Variants in SLC25A21 observed in about 807,000 individuals in gnomAD.
SLC25A21 encodes mitochondrial 2-oxodicarboxylate carrier.
A neutral mutation model predicts 43.8 loss-of-function variants in SLC25A21; 47 were observed. That is an observed-to-expected ratio of 1.07 (90% CI 0.85 to 1.37). The LOEUF (loss-of-function observed/expected upper bound fraction) is 1.37. Ranked by LOEUF, SLC25A21 falls within the 40% of genes most tolerant of loss-of-function variation. The pLI is 0.00. For synonymous variants in SLC25A21, 131 were observed against 121.3 expected (o/e 1.08, Z -0.52); for missense variants, 352 against 350.2 (o/e 1.00, Z -0.04).
At chr14:37,127,619 A>G (rs1772794568) in intron 1 of SLC25A21, among the ~76,000 whole-genome samples, 1 of 152,202 alleles carries the variant, frequency 6.6e-6, no homozygotes, top group Admixed American at 6.5e-5. Flanking sequence ...TCTTACTTGT[A>G]TAAGCATAAA....
At chr14:37,085,434 T>G (rs1023072492) in intron 1 of SLC25A21, among the ~76,000 whole-genome samples, 1 of 152,216 alleles carries the variant, frequency 6.6e-6, no homozygotes, top group African/African-American at 2.4e-5. Context: ...CTATATATAT[T>G]GGTTCAATTT....
At chr14:36,750,599 ACAT>A (rs1159036385) in intron 3 of SLC25A21, among the ~76,000 whole-genome samples, 4 of 152,162 alleles carry the variant, frequency 2.6e-5, no homozygotes, top group Non-Finnish European at 5.9e-5. Context: ...CCTCCTGAAA[ACAT>A]GAATTCTTGG....
Position 36,875,019 on chromosome 14 carries a change from A to T in SLC25A21, c.71-15T>A. The T allele has an allele frequency of 1.3e-6, 2 of 1,490,186 alleles. No homozygotes were observed. Among genetic ancestry groups the T allele is most frequent in the South Asian group, 2.3e-5 (2 of 86,674 alleles). The allele number at this position is 1,490,186 out of a possible 1,614,324, so 92.3% of individuals were successfully genotyped here. On this transcript the variant is annotated splice_polypyrimidine_tract_variant and intron_variant, in intron 1 of 9. Transcript: ENST00000331299. ...TTCTACAAGACCTGAAAGATGATAAAGAAAATCCAATAAACACTTATGTAA... is the reference window on the plus strand; with the variant it reads ...TTCTACAAGACCTGAAAGATGATAATGAAAATCCAATAAACACTTATGTAA...
At chr14:36,722,526 G>A (rs1211763967) in intron 6 of SLC25A21, among the ~76,000 whole-genome samples, 8 of 152,136 alleles carry the variant, frequency 5.3e-5, no homozygotes, top group Non-Finnish European at 1.2e-4. Flanking sequence ...TGATGCATGT[G>A]TCGGGGCATG....
chr14:37,012,343 T>C (rs771300380), intron 1 of SLC25A21, among the ~76,000 whole-genome samples: 8 of 152,198 alleles, frequency 5.3e-5, no homozygotes, highest in African/African-American at 1.2e-4. Context: ...TCTTTTTATA[T>C]GTTATTCACA....
chr14:36,694,853 T>C (rs189010997), intron 7 of SLC25A21, among the ~76,000 whole-genome samples: 1 of 152,332 alleles, frequency 6.6e-6, no homozygotes, highest in East Asian at 1.9e-4. Context: ...TCCCATTCTG[T>C]AGGTTGCCTG....
At chr14:36,958,029 A>G (rs544245218) in intron 1 of SLC25A21, among the ~76,000 whole-genome samples, 1 of 152,268 alleles carries the variant, frequency 6.6e-6, no homozygotes, top group South Asian at 2.1e-4. Context: ...TTAGCAGAAA[A>G]TAAAGGAAGA....
chr14:36,877,324 A>G (rs1890564383), intron 1 of SLC25A21, among the ~76,000 whole-genome samples: 1 of 152,162 alleles, frequency 6.6e-6, no homozygotes, highest in African/African-American at 2.4e-5. Context: ...CATTTATATA[A>G]ATCTGTTTAC....
At chr14:36,816,631 C>G (rs1413800512) in intron 2 of SLC25A21, among the ~76,000 whole-genome samples, 1 of 151,708 alleles carries the variant, frequency 6.6e-6, no homozygotes, top group East Asian at 1.9e-4. Flanking sequence ...GCCTCCCGAG[C>G]TGGGACTACA....
chr14:36,920,548 C>T (rs1891952519), intron 1 of SLC25A21, among the ~76,000 whole-genome samples: 1 of 152,036 alleles, frequency 6.6e-6, no homozygotes, highest in Admixed American at 6.6e-5. Context: ...TAAGCAGAGA[C>T]TTCCCACCAC....
chr14:36,829,670 T>C (rs10147324), intron 2 of SLC25A21, among the ~76,000 whole-genome samples: 12,980 of 151,996 alleles, frequency 0.085, 767 homozygotes, highest in East Asian at 0.31. Flanking sequence ...ACAGTTACAA[T>C]TCTCTAGGAG....
intron 2 of SLC25A21, among the ~76,000 whole-genome samples, chr14:36,873,809 C>T (rs752649424): frequency 7.9e-5 from 12 of 152,108 alleles, no homozygotes; most frequent in Non-Finnish European, 1.8e-4. Context: ...GAAGAGACAA[C>T]AGAGCTTCCT....
At chr14:36,920,161 C>A (rs578031042) in intron 1 of SLC25A21, among the ~76,000 whole-genome samples, 2 of 152,028 alleles carry the variant, frequency 1.3e-5, no homozygotes, top group South Asian at 2.1e-4. Flanking sequence ...TTTTCACTTA[C>A]GGCAGTACAA....
chr14:37,031,925 T>G (rs892030442), intron 1 of SLC25A21, among the ~76,000 whole-genome samples: 1 of 152,188 alleles, frequency 6.6e-6, no homozygotes, highest in African/African-American at 2.4e-5. Context: ...TCTCACATTG[T>G]ACGTAGAAAA....
intron 3 of SLC25A21, among the ~76,000 whole-genome samples, chr14:36,746,952 T>C (rs934279694): frequency 2.0e-5 from 3 of 152,166 alleles, no homozygotes; most frequent in African/African-American, 4.8e-5. Flanking sequence ...TATTACCTTA[T>C]AGGTCTGACA....
rs772004010 is a variant in SLC25A21, at chr14:37,172,504, G to C, written c.-154C>G. 12 of 820,316 alleles carry C rather than the reference G, an allele frequency of 1.5e-5. No homozygotes were observed. The highest frequency in any genetic ancestry group is 2.3e-5 in the Non-Finnish European group (11 of 483,516). The allele number at this position is 820,316 out of a possible 1,614,324, so 50.8% of individuals were successfully genotyped here. A position where few individuals can be genotyped will look rare whatever the true frequency, so the allele number is the denominator to read the frequency against. On this transcript the variant is annotated 5_prime_UTR_variant, in exon 1 of 10. Transcript: ENST00000331299. ...AATCCGGCGACTGCTGGAAAGCGAG[G>C]GTTCGAGGCGCAGATTCGTCGCGCG...
At position 37,048,893 on chromosome 14, in the gene SLC25A21, C is replaced by T. The variant is rs188867729; in HGVS notation, c.70+123388G>A. On this transcript the variant is annotated intron_variant, in intron 1 of 9. Coordinates refer to ENST00000331299, the MANE Select transcript of SLC25A21 (RefSeq NM_030631.4). ...CCAAAGACTTTTAGTTTTGCCAAAG[C>T]AGGCTTAACTTCAAATAATGTGTCA... 3.3e-5 allele frequency among the ~76,000 whole-genome samples: 5 copies of T among 152,242 alleles called. No individual in the cohort carries two copies. In the East Asian group the frequency reaches 9.7e-4, roughly 29 times the overall value.
intron 1 of SLC25A21, among the ~76,000 whole-genome samples, chr14:37,137,102 G>A (rs183070681): frequency 1.7e-4 from 26 of 152,272 alleles, no homozygotes; most frequent in Admixed American, 1.1e-3. Flanking sequence ...CCGGGTTCAC[G>A]CCACTCTGCC....
At position 37,062,412 on chromosome 14, in the gene SLC25A21, C is replaced by G. The variant is rs114561153; in HGVS notation, c.70+109869G>C. Among the ~76,000 whole-genome samples the G allele has an allele frequency of 2.3e-3, 351 of 152,236 alleles. 1 individual carries two copies. Among genetic ancestry groups the G allele is most frequent in the African/African-American group, 8.2e-3 (339 of 41,546 alleles). ...CTAGCTGTGCCACTCAGACTCAAAT[C>G]TCTAAATGCAAACCACGTAACCTCC... On this transcript the variant is annotated intron_variant, in intron 1 of 9. Transcript: ENST00000331299.
Sources: allele counts gnomAD v4.1 joint callset (sites outside exome capture counted in the v4.1 genomes callset), GRCh38; gene constraint gnomAD v4.1.1; transcripts MANE v1.5; gene names NCBI Gene and HGNC (gene_info 2026-07-23, HGNC 2026-07-21).